Variants in TEX10 observed in about 807,000 individuals in gnomAD.
The protein encoded by TEX10 is testis-expressed protein 10.
In TEX10, 24 loss-of-function variants were observed where a neutral mutation model predicts 104.4. That is an observed-to-expected ratio of 0.23 (90% CI 0.17 to 0.32). The LOEUF is 0.32. Ranked by LOEUF, TEX10 falls within the 10% of genes least tolerant of loss-of-function variation. TEX10 has a pLI of 1.00. For synonymous variants in TEX10, 396 were observed against 393.4 expected (o/e 1.01, Z -0.08); for missense variants, 921 against 1,083.9 (o/e 0.85, Z 2.11).
intron 9 of TEX10, among the ~76,000 whole-genome samples, chr9:100,325,296 C>G (rs906332166): frequency 6.6e-5 from 10 of 152,202 alleles, no homozygotes; most frequent in Admixed American, 1.3e-4. Context: ...TACTAAAATA[C>G]TATGACTGAA....
rs200930353 is a variant in TEX10 at position 100,326,484 on chromosome 9, T to G, written c.1802-5A>C. On this transcript the variant is annotated splice_polypyrimidine_tract_variant and splice_region_variant and intron_variant, in intron 8 of 14. Transcript: ENST00000374902. Reference sequence around the variant, plus strand: ...CCACAGCACCTTCTTGTGGATCTAGTGAGGTGGATAGACATATTAAAAACA... The same window carrying G: ...CCACAGCACCTTCTTGTGGATCTAGGGAGGTGGATAGACATATTAAAAACA... 2 of 1,612,300 alleles carry G rather than the reference T, an allele frequency of 1.2e-6. No homozygotes were observed. The highest frequency in any genetic ancestry group is 3.4e-5 in the Admixed American group (2 of 59,630).
Position 100,349,282 on chromosome 9 carries a change from C to A in TEX10, c.82G>T (p.Ala28Ser). The change falls in exon 2 of 15, where the codon GCT becomes TCT. Residue 28 changes from alanine (A) to serine (S), a missense_variant. Ala to Ser is a moderately conservative substitution (Grantham distance 99, BLOSUM62 1). This residue lies in a region of TEX10 where 118 missense variants were observed against 111.3 expected (regional missense o/e 1.06). Transcript: ENST00000374902. The part of the protein sequence containing the change: ...VGKKKPKLQN[A>S]TPTNFKTKTI... ...TTTGTTTTAAAGTTTGTAGGAGTAG[C>A]ATTTTGTAACTTGGGCTTCTTTTTA... 6.2e-7 allele frequency: 1 copy of A among 1,606,902 alleles called. No individual in the cohort carries two copies. The highest frequency in any genetic ancestry group is 8.5e-7 in the Non-Finnish European group (1 of 1,177,932).
intron 11 of TEX10, among the ~76,000 whole-genome samples, chr9:100,316,910 A>AAC (rs531869309): frequency 0.11 from 15,611 of 145,906 alleles, 881 homozygotes; most frequent in Non-Finnish European, 0.13. Context: ...AAAAAAAAAA[A>AAC]AAAAAACCTA....
At chr9:100,346,385 TTAAATA>T (rs1835299837) in intron 3 of TEX10, 70 bp from the exon 4 acceptor site, 3 of 1,486,012 alleles carry the variant, frequency 2.0e-6, no homozygotes, top group Non-Finnish European at 2.7e-6. Flanking sequence ...AATTTAAATC[TTAAATA>T]TAAAGTACTA....
chr9:100,304,074 G>T (rs1834084773), intron 13 of TEX10: 1 of 555,630 alleles, frequency 1.8e-6, no homozygotes, highest in South Asian at 2.1e-5. Context: ...AAAAACTACA[G>T]AACACTGCTG....
At chr9:100,351,049 A>C (rs1325864610) in intron 1 of TEX10, among the ~76,000 whole-genome samples, 1 of 152,132 alleles carries the variant, frequency 6.6e-6, no homozygotes, top group East Asian at 1.9e-4. Flanking sequence ...GTGTCCCTCA[A>C]GTCTCAGGAT....
At chr9:100,352,018 C>A (rs1401267223) in intron 1 of TEX10, among the ~76,000 whole-genome samples, 1 of 93,444 alleles carries the variant, frequency 1.1e-5, no homozygotes, top group African/African-American at 5.3e-5. Flanking sequence ...TACTGTAGGT[C>A]TTTTCTAATT....
At chr9:100,343,186 A>G (rs1239062781) in intron 4 of TEX10, among the ~76,000 whole-genome samples, 1 of 151,866 alleles carries the variant, frequency 6.6e-6, no homozygotes, top group East Asian at 1.9e-4. Flanking sequence ...TCAAGGATAT[A>G]GCTAGCTAAC....
At position 100,321,750 on chromosome 9, in the gene TEX10, C is replaced by T; in HGVS notation, c.2001G>A (p.Lys667=). The change falls in exon 10 of 15, where the codon AAG becomes AAA. Residue 667 remains lysine, a synonymous_variant. Coordinates refer to ENST00000374902, the MANE Select transcript of TEX10 (RefSeq NM_017746.4). ...TCATCAACCAGTCTTTAGCTGAATA[C>T]TTCCACCCAGAAAATGATGATCTAT... ...LHMRSSFSGW[K]YSAKDWLMSD... The T allele has an allele frequency of 6.2e-7, 1 of 1,612,276 alleles. No individual in the cohort carries two copies. Among genetic ancestry groups the T allele is most frequent in the Non-Finnish European group, 8.5e-7 (1 of 1,179,592 alleles).
At chr9:100,321,796 T>C in intron 9 of TEX10, 25 bp from the exon 10 acceptor site, 1 of 1,573,944 alleles carries the variant, frequency 6.4e-7, no homozygotes, top group Non-Finnish European at 8.7e-7. Flanking sequence ...GGGAGAACTA[T>C]TACCAGAAGT....
At chr9:100,345,914 T>C (rs1345489848) in intron 4 of TEX10, among the ~76,000 whole-genome samples, 158 bp downstream of exon 4, 1 of 152,156 alleles carries the variant, frequency 6.6e-6, no homozygotes, top group Non-Finnish European at 1.5e-5. Context: ...AGAAAACTAA[T>C]TTGTAGTTTT....
chr9:100,305,455 C>G (rs1005271712), intron 13 of TEX10: 4 of 152,180 alleles, frequency 2.6e-5, no homozygotes, highest in African/African-American at 9.7e-5. Context: ...CACGGAGATA[C>G]AGACTACACA....
At chr9:100,313,439 C>T (rs924275625) in intron 11 of TEX10, among the ~76,000 whole-genome samples, 28 of 150,780 alleles carry the variant, frequency 1.9e-4, no homozygotes, top group Non-Finnish European at 3.2e-4. Context: ...CGCTTGAACC[C>T]GGGAGGCAGA....
At position 100,346,921 on chromosome 9, in the gene TEX10, T is replaced by C. The variant is rs764831053; in HGVS notation, c.666A>G (p.Gln222=). 1.5e-5 allele frequency: 25 copies of C among 1,614,096 alleles called. No individual in the cohort carries two copies. Among genetic ancestry groups the C allele is most frequent in the Admixed American group, 1.0e-4 (6 of 60,010 alleles). ...GTCTCACTAAGACTTTCAGCCTCCA[T>C]TGCTGAGAAGTGAGTCTCCGATTAG... The part of the protein sequence containing the change: ...VNPNRRLTSQ[Q]WRLKVLVRLS... Residue 222 remains glutamine (Q), a synonymous_variant, in exon 3 of 15, where the codon CAA becomes CAG. Coordinates refer to ENST00000374902, the MANE Select transcript of TEX10 (RefSeq NM_017746.4).
chr9:100,352,198 C>A (rs772871800), intron 1 of TEX10, among the ~76,000 whole-genome samples: 1 of 152,200 alleles, frequency 6.6e-6, no homozygotes, highest in African/African-American at 2.4e-5. Flanking sequence ...CCTCCCCAAA[C>A]CCTTAAACTC....
At chr9:100,352,704 G>A (rs1203954525) in intron 1 of TEX10, 68 bp downstream of exon 1, 6 of 1,305,484 alleles carry the variant, frequency 4.6e-6, no homozygotes, top group Admixed American at 4.0e-5. Flanking sequence ...GGATCGGGGG[G>A]CGACGGCCCC....
chr9:100,334,957 G>A (rs1426666146), intron 5 of TEX10, among the ~76,000 whole-genome samples: 6 of 151,906 alleles, frequency 3.9e-5, no homozygotes, highest in South Asian at 4.2e-4. Flanking sequence ...GAGCCACCGC[G>A]CCTGGCCAGT....
chr9:100,337,827 G>T (rs1003130192), intron 5 of TEX10, among the ~76,000 whole-genome samples: 2 of 152,082 alleles, frequency 1.3e-5, no homozygotes, highest in East Asian at 1.9e-4. Flanking sequence ...CCATATCCAC[G>T]TTCATACCCA....
At chr9:100,336,550 CTG>C (rs1835015377) in intron 5 of TEX10, among the ~76,000 whole-genome samples, 1 of 152,184 alleles carries the variant, frequency 6.6e-6, no homozygotes, top group African/African-American at 2.4e-5. Flanking sequence ...CCAGATAAGA[CTG>C]TCTAGTTGCA....
Sources: gnomAD v4.1 joint callset for allele counts (sites outside exome capture counted in the v4.1 genomes callset) on GRCh38, gnomAD v4.1.1 for gene constraint, gnomAD v4.1.1 regional missense constraint, MANE v1.5 for transcripts, NCBI Gene and HGNC (gene_info 2026-07-23, HGNC 2026-07-21) for gene names.